The following TENM2 variants were observed in gnomAD, a reference collection of about 807,000 sequenced individuals.
TENM2 encodes teneurin transmembrane protein 2, also known as teneurin-2.
Under a neutral mutation model 245.2 loss-of-function variants are expected in TENM2, and 52 were observed. The ratio of observed to expected loss-of-function variants is 0.21; its 90% confidence interval spans 0.17 to 0.27. The LOEUF is 0.27. Among genes scored for constraint, TENM2 ranks in the 10% least tolerant of loss-of-function variants. The pLI, the probability that TENM2 is intolerant of heterozygous loss-of-function variation, is 1.00. For synonymous variants in TENM2, 1,363 were observed against 1,438.9 expected, an observed-to-expected ratio of 0.95 and a Z score of 1.19; for missense variants, 3,046 against 3,666.8, an observed-to-expected ratio of 0.83 and a Z score of 4.37.
chr5:167,413,429 A>T (rs1323537200), intron 2 of TENM2, among the ~76,000 whole-genome samples: 2 of 152,174 alleles, frequency 1.3e-5, no homozygotes, highest in African/African-American at 2.4e-5. Context: ...CATACCACTG[A>T]GGATACTAAT....
At chr5:167,285,148 G>T in intron 1 of TENM2, 85 bp downstream of exon 3, 1 of 1,089,702 alleles carries the variant, frequency 9.2e-7, no homozygotes, top group South Asian at 1.4e-5. Context: ...TGGAGATCCA[G>T]CATGGTGGTT....
the TENM2 span, among the ~76,000 whole-genome samples, chr5:167,177,663 A>G: frequency 2.0e-5 from 3 of 152,148 alleles, no homozygotes; most frequent in Non-Finnish European, 4.4e-5. Context: ...TTGATGGGAG[A>G]GAGGACCAGA....
At position 167,466,890 on chromosome 5, in the gene TENM2, T is replaced by C. The variant is rs116306823; in HGVS notation, c.502+91417T>C. On this transcript the variant is annotated intron_variant, in intron 2 of 28. Coordinates refer to ENST00000518659, the Ensembl canonical transcript of TENM2. ...TAAGGAGGCTCCAACTGCACAGTGATTCACCTGAAGTAGTTCGGACTTCGG... is the reference window on the plus strand; with the variant it reads ...TAAGGAGGCTCCAACTGCACAGTGACTCACCTGAAGTAGTTCGGACTTCGG... 7.0e-3 allele frequency among the ~76,000 whole-genome samples: 1,070 copies of C among 152,272 alleles called. 10 individuals are homozygous for C. The highest frequency in any genetic ancestry group is 0.044 in the South Asian group (213 of 4,816).
intron 2 of TENM2, among the ~76,000 whole-genome samples, chr5:167,730,131 C>T (rs1428100693): frequency 2.0e-5 from 3 of 152,182 alleles, no homozygotes; most frequent in Non-Finnish European, 4.4e-5. Flanking sequence ...TAGCCTTCAA[C>T]CGGAACTACT....
At chr5:168,232,899 C>T (rs1197705510) in intron 25 of TENM2, among the ~76,000 whole-genome samples, 2 of 152,184 alleles carry the variant, frequency 1.3e-5, no homozygotes, top group Admixed American at 6.5e-5. Flanking sequence ...TCCCTTCATT[C>T]CTGCCCAAAC....
At chr5:167,852,264 C>T (rs1283392683) in intron 2 of TENM2, among the ~76,000 whole-genome samples, 4 of 152,114 alleles carry the variant, frequency 2.6e-5, no homozygotes, top group East Asian at 3.8e-4. Context: ...TTACAGTAAT[C>T]GATTATTGTT....
chr5:167,957,509 C>A (rs1780655439), intron 4 of TENM2, among the ~76,000 whole-genome samples: 1 of 152,102 alleles, frequency 6.6e-6, no homozygotes, highest in Non-Finnish European at 1.5e-5. Flanking sequence ...TTCTTGTCTT[C>A]TGTTAGCTTT....
At chr5:168,241,686 TGTCTA>T (rs910077227) in intron 25 of TENM2, among the ~76,000 whole-genome samples, 12 of 152,170 alleles carry the variant, frequency 7.9e-5, no homozygotes, top group African/African-American at 2.9e-4. Context: ...TTCTGCCACT[TGTCTA>T]GTTATGGGAC....
At chr5:167,136,882 A>G in the TENM2 span, among the ~76,000 whole-genome samples, 1 of 152,186 alleles carries the variant, frequency 6.6e-6, no homozygotes, top group South Asian at 2.1e-4. Context: ...TTCTGACTGT[A>G]TTAGTCTATT....
intron 2 of TENM2, among the ~76,000 whole-genome samples, chr5:167,528,786 A>G (rs1476633330): frequency 3.3e-5 from 5 of 152,160 alleles, no homozygotes; most frequent in Non-Finnish European, 5.9e-5. Flanking sequence ...GTTGAACTCA[A>G]TGAAATGAAT....
chr5:167,677,662 G>T (rs1258883605), intron 2 of TENM2, among the ~76,000 whole-genome samples: 1 of 150,434 alleles, frequency 6.6e-6, no homozygotes, highest in Non-Finnish European at 1.5e-5. Context: ...AAGTGGTTTT[G>T]GCGACCATTT....
At chr5:167,064,624 TC>T in the TENM2 span, among the ~76,000 whole-genome samples, 1 of 152,146 alleles carries the variant, frequency 6.6e-6, no homozygotes, top group African/African-American at 2.4e-5. Context: ...TTCCTCAAAT[TC>T]CCCAGAGGAT....
At chr5:167,591,231 T>C (rs894610570) in intron 2 of TENM2, among the ~76,000 whole-genome samples, 1 of 152,354 alleles carries the variant, frequency 6.6e-6, no homozygotes, top group East Asian at 1.9e-4. Flanking sequence ...CAGTTTAGAA[T>C]AACTGTTATC....
intron 5 of TENM2, among the ~76,000 whole-genome samples, chr5:168,030,465 A>T: frequency 6.6e-6 from 1 of 152,166 alleles, no homozygotes; most frequent in East Asian, 1.9e-4. Context: ...ATTAACACAC[A>T]GATACCTGGA....
chr5:167,020,200 C>T, the TENM2 span, among the ~76,000 whole-genome samples: 6 of 152,220 alleles, frequency 3.9e-5, no homozygotes, highest in South Asian at 1.2e-3. Flanking sequence ...GGAACATAAC[C>T]TATTTGTGAG....
chr5:168,153,401 AAGGTG>A (rs1451562060), intron 12 of TENM2, among the ~76,000 whole-genome samples: 1 of 152,182 alleles, frequency 6.6e-6, no homozygotes, highest in Non-Finnish European at 1.5e-5. Context: ...AGAGAAGGGG[AAGGTG>A]GTGCTATAAA....
chr5:167,755,206 A>C, intron 2 of TENM2: 1 of 1,590,966 alleles, frequency 6.3e-7, no homozygotes, highest in Non-Finnish European at 8.5e-7. Flanking sequence ...AGGATGATGG[A>C]TGTGCATGCA....
chr5:168,016,838 T>C (rs1038718998), intron 5 of TENM2, among the ~76,000 whole-genome samples: 1 of 152,254 alleles, frequency 6.6e-6, no homozygotes, highest in African/African-American at 2.4e-5. Flanking sequence ...AAAATGGTAA[T>C]AATAAATGCA....
intron 5 of TENM2, among the ~76,000 whole-genome samples, chr5:168,020,231 A>G (rs188903381): frequency 6.6e-6 from 1 of 152,294 alleles, no homozygotes; most frequent in East Asian, 1.9e-4. Flanking sequence ...TAGGGGCTAC[A>G]AGGTGACACC....
Sources: allele counts gnomAD v4.1 joint callset (sites outside exome capture counted in the v4.1 genomes callset), GRCh38; gene constraint gnomAD v4.1.1; transcripts MANE v1.5; gene names NCBI Gene and HGNC (gene_info 2026-07-23, HGNC 2026-07-21).